PCM1: variants seen among roughly 807,000 people sequenced by gnomAD.
PCM1 encodes the protein pericentriolar material 1 protein.
Under a neutral mutation model 241.9 loss-of-function variants are expected in PCM1, and 157 were observed. The ratio of observed to expected loss-of-function variants is 0.65; its 90% CI spans 0.57 to 0.74. The LOEUF (loss-of-function observed/expected upper bound fraction) is 0.74, where lower values mean the gene tolerates loss of function less well. Ranked by LOEUF, PCM1 falls within the 30% of genes least tolerant of loss-of-function variation. PCM1 has a pLI of 0.00. For synonymous variants in PCM1, 1,085 were observed against 784.9 expected, an observed-to-expected ratio of 1.38 and a Z score of -6.39; for missense variants, 3,478 against 2,360.1, an observed-to-expected ratio of 1.47 and a Z score of -9.81.
rs763409563 is a variant in PCM1 at position 17,986,130 on chromosome 8, A to T, written c.4410+43A>T. The T allele has an allele frequency of 3.2e-4, 415 of 1,317,020 alleles. 2 individuals are homozygous for T. Among genetic ancestry groups the T allele is most frequent in the Middle Eastern group, 3.9e-4 (2 of 5,150 alleles). 81.6% of individuals were successfully genotyped at this position (1,317,020 alleles called of 1,614,324 possible). On this transcript the variant is annotated intron_variant, in intron 26 of 38. Coordinates refer to ENST00000325083, the MANE Select transcript of PCM1 (RefSeq NM_006197.4). ...AGTGAATTGTAGATATAATTTTAGT[A>T]TGCAGTAAATAAAAGTTAAATAGAT...
rs146974595 is a variant in PCM1 at position 18,003,060 on chromosome 8, C to T, written c.4828-3203C>T. Among the ~76,000 whole-genome samples, 8 of 152,318 alleles carry T rather than the reference C, an allele frequency of 5.3e-5. No individual in the cohort carries two copies. In the East Asian group the frequency reaches 1.5e-3, roughly 29 times the overall value. ...CTGTTTGGTCAAATGTTAACTTTTG[C>T]TGAGTAAACCTCTGCCTTATCCTTT... is the stretch of plus-strand genomic sequence containing the variant. On this transcript the variant is annotated intron_variant, in intron 29 of 38. Transcript: ENST00000325083.
intron 24 of PCM1, among the ~76,000 whole-genome samples, chr8:17,983,765 T>C (rs73666363): frequency 0.074 from 11,310 of 152,178 alleles, 630 homozygotes; most frequent in African/African-American, 0.15. Flanking sequence ...GTCTCTAATA[T>C]AAGTATTCTC....
chr8:18,007,179 C>T (rs1217968314), intron 30 of PCM1, among the ~76,000 whole-genome samples: 1 of 152,160 alleles, frequency 6.6e-6, no homozygotes, highest in Non-Finnish European at 1.5e-5. Context: ...ATTTTTACTC[C>T]ACATTAGGTG....
intron 23 of PCM1, among the ~76,000 whole-genome samples, chr8:17,976,008 C>T (rs540098386): frequency 2.4e-4 from 37 of 152,254 alleles, no homozygotes; most frequent in African/African-American, 8.9e-4. Flanking sequence ...TCACTCTTTT[C>T]TTGGAAAATT....
intron 34 of PCM1, chr8:18,013,752 G>T: frequency 2.0e-6 from 1 of 507,602 alleles, no homozygotes; most frequent in Non-Finnish European, 3.4e-6. Flanking sequence ...ATTATACTGT[G>T]TGTGTGTGTT....
intron 35 of PCM1, 77 bp downstream of exon 35, chr8:18,014,113 A>G (rs2092868900): frequency 1.1e-5 from 9 of 809,898 alleles, no homozygotes; most frequent in Admixed American, 3.1e-5. Context: ...AAAAAAAAAC[A>G]CACACAGAAA....
At chr8:17,949,605 C>G (rs2065231784) in intron 7 of PCM1, among the ~76,000 whole-genome samples, 1 of 150,706 alleles carries the variant, frequency 6.6e-6, no homozygotes. Flanking sequence ...TCAAGTGATT[C>G]TCTCACCCCA....
rs115364443 is a variant in PCM1 at position 17,991,337 on chromosome 8, T to C, written c.4532-205T>C. 7.7e-3 allele frequency among the ~76,000 whole-genome samples: 1,169 copies of C among 152,286 alleles called. 10 individuals are homozygous for C. Among genetic ancestry groups the C allele is most frequent in the African/African-American group, 0.027 (1,123 of 41,550 alleles). ...TACTTAAATTTTCTGCAAATGAAAG[T>C]AATGTCATCTACTATATAGGATTAT... On this transcript the variant is annotated intron_variant, in intron 27 of 38. Transcript: ENST00000325083.
chr8:17,983,475 A>G (rs2129476165), intron 24 of PCM1, among the ~76,000 whole-genome samples: 1 of 152,276 alleles, frequency 6.6e-6, no homozygotes, highest in African/African-American at 2.4e-5. Flanking sequence ...TCTTGGTAAA[A>G]TTTGCTGCTT....
chr8:18,022,839 G>A (rs1361855628), intron 36 of PCM1, among the ~76,000 whole-genome samples: 1 of 152,112 alleles, frequency 6.6e-6, no homozygotes, highest in Admixed American at 6.5e-5. Context: ...ACTGACATTG[G>A]TTCAAAGGAA....
chr8:18,025,775 TAGAA>T (rs1441424185), intron 38 of PCM1, 117 bp downstream of exon 38: 6 of 618,382 alleles, frequency 9.7e-6, no homozygotes, highest in South Asian at 2.1e-5. Context: ...AGCCAAATAC[TAGAA>T]AGAAAGTGTA....
rs760629158 is a variant in PCM1 at position 17,960,343 on chromosome 8, C to T, written c.2221C>T (p.Gln741Ter). 6.3e-7 allele frequency: 1 copy of T among 1,596,036 alleles called. No individual in the cohort carries two copies. Among genetic ancestry groups the T allele is most frequent in the Non-Finnish European group, 8.5e-7 (1 of 1,175,054 alleles). ...REKFYEAKLQ[Q>*]QQRELKQLQE... The stretch of plus-strand genomic sequence containing the variant: ...GAAATTTTATGAGGCTAAACTACAG[C>T]AGCAACAGAGAGAGCTAAAACAATT... The change falls in exon 15 of 39, where the codon CAG becomes TAG. Residue 741 changes from glutamine to a stop codon, truncating the protein, a stop_gained. Transcript: ENST00000325083. LOFTEE classifies it high-confidence loss of function.
intron 6 of PCM1, among the ~76,000 whole-genome samples, chr8:17,944,376 A>T (rs1315016920): frequency 6.6e-6 from 1 of 152,148 alleles, no homozygotes; most frequent in East Asian, 1.9e-4. Context: ...CAACCTTCAC[A>T]TGAAGAAATT....
At chr8:17,989,825 A>G in intron 26 of PCM1, 34 bp from the exon 27 acceptor site, 1 of 1,380,562 alleles carries the variant, frequency 7.2e-7, no homozygotes, top group South Asian at 1.3e-5. Context: ...TCTTAGAAGT[A>G]TTAGTGATTT....
intron 33 of PCM1, 148 bp downstream of exon 33, chr8:18,011,514 G>A: frequency 9.5e-7 from 1 of 1,055,910 alleles, no homozygotes; most frequent in Non-Finnish European, 1.3e-6. Flanking sequence ...AAATTATCTA[G>A]ACTTTCTGCA....
chr8:17,961,885 G>A (rs1480009457), intron 15 of PCM1, 149 bp from the exon 16 acceptor site: 9 of 574,924 alleles, frequency 1.6e-5, no homozygotes, highest in Admixed American at 1.1e-4. Flanking sequence ...CTTATTTCAT[G>A]TTATCTTCGG....
In PCM1 at chr8:17,989,863, C is replaced by T. The variant is rs1294200318; in HGVS notation, c.4415C>T (p.Thr1472Ile). Residue 1472 changes from threonine to isoleucine, a missense_variant, in exon 27 of 39, where the codon ACT becomes ATT. Physicochemically the swap from Thr to Ile is moderately conservative, Grantham distance 89. Transcript: ENST00000325083. ...SESLATTDDE[T>I]FEKNFERETH... ...GTTTGTTTTACTGTAACTTAGGAAA[C>T]TTTTGAGAAGAACTTTGAAAGAGAA... is the stretch of plus-strand genomic sequence containing the variant. The T allele has an allele frequency of 2.6e-6, 4 of 1,535,514 alleles. No individual in the cohort carries two copies. In the East Asian group the frequency reaches 7.4e-5, roughly 28 times the overall value.
At chr8:18,005,977 G>A (rs1429413956) in intron 29 of PCM1, 1 of 273,562 alleles carries the variant, frequency 3.7e-6, no homozygotes, top group Non-Finnish European at 6.8e-6. Flanking sequence ...TCTCCTTAAG[G>A]TACAGAAAAG....
intron 30 of PCM1, among the ~76,000 whole-genome samples, chr8:18,007,072 A>G (rs2091537753): frequency 6.6e-6 from 1 of 152,240 alleles, no homozygotes; most frequent in Non-Finnish European, 1.5e-5. Context: ...ATCCCATGTT[A>G]GTGTTAATAA....
Sources: gnomAD v4.1 joint callset for allele counts (sites outside exome capture counted in the v4.1 genomes callset) on GRCh38, gnomAD v4.1.1 for gene constraint, MANE v1.5 for transcripts, NCBI Gene and HGNC (gene_info 2026-07-23, HGNC 2026-07-21) for gene names.